The following DCBLD1 variants were observed in gnomAD, a reference collection of about 807,000 sequenced individuals.
DCBLD1 encodes the protein discoidin, CUB and LCCL domain containing 1.
In DCBLD1, 57 loss-of-function variants were observed where a neutral mutation model predicts 71.5. That is an observed-to-expected ratio of 0.80 (90% confidence interval 0.64 to 0.99). DCBLD1 has a LOEUF of 0.99. Among genes scored for constraint, DCBLD1 ranks in the 50% least tolerant of loss-of-function variants. The probability of loss-of-function intolerance (pLI) is 0.00; values close to 1 mark genes in which losing one functional copy is unlikely to be tolerated. For synonymous variants in DCBLD1, 380 were observed against 363.8 expected (o/e 1.04, Z -0.51); for missense variants, 891 against 923.5 (o/e 0.96, Z 0.46).
chr6:117,490,322 T>A (rs1777248274), intron 1 of DCBLD1, among the ~76,000 whole-genome samples: 3 of 151,970 alleles, frequency 2.0e-5, no homozygotes, highest in Non-Finnish European at 1.5e-5. Context: ...TTGAAAGTTT[T>A]TTATTACTTG....
intron 2 of DCBLD1, among the ~76,000 whole-genome samples, chr6:117,506,730 C>T (rs1047690054): frequency 4.6e-5 from 7 of 152,204 alleles, no homozygotes; most frequent in African/African-American, 1.7e-4. Flanking sequence ...GGCACCTCTG[C>T]AAGCTGATGT....
At chr6:117,556,136 A>G (rs1289055777) in intron 14 of DCBLD1, among the ~76,000 whole-genome samples, 7 of 152,248 alleles carry the variant, frequency 4.6e-5, no homozygotes, top group Non-Finnish European at 1.0e-4. Context: ...TTTCCAACGC[A>G]TAGACTCCAA....
intron 6 of DCBLD1, among the ~76,000 whole-genome samples, chr6:117,533,847 T>A (rs1480226806): frequency 6.6e-6 from 1 of 151,084 alleles, no homozygotes; most frequent in African/African-American, 2.5e-5. Context: ...TGGGTGTCTG[T>A]GGAGAAAAGG....
At chr6:117,547,728 A>G (rs1462941525) in intron 14 of DCBLD1, 179 bp from the exon 15 acceptor site, 2 of 1,345,068 alleles carry the variant, frequency 1.5e-6, no homozygotes, top group African/African-American at 2.9e-5. Context: ...GCGGTTGTGT[A>G]CTGCCTGCGG....
At chr6:117,487,335 G>A (rs1032517146) in intron 1 of DCBLD1, among the ~76,000 whole-genome samples, 2 of 152,110 alleles carry the variant, frequency 1.3e-5, no homozygotes, top group African/African-American at 2.4e-5. Flanking sequence ...CTCTAGTTAC[G>A]AAATCAAAAC....
At chr6:117,557,150 G>C (rs210628) in intron 14 of DCBLD1, among the ~76,000 whole-genome samples, 123,012 of 152,186 alleles carry the variant, frequency 0.81, 50,372 homozygotes, top group African/African-American at 0.95. Context: ...TTCCTAATTT[G>C]CCTGAAAGTT....
At chr6:117,544,675 T>C in intron 13 of DCBLD1, 98 bp downstream of exon 13, 4 of 1,343,770 alleles carry the variant, frequency 3.0e-6, no homozygotes, top group Non-Finnish European at 4.2e-6. Context: ...CACATTTATT[T>C]GGTTAAAAGA....
At chr6:117,532,096 GT>G (rs1778741950) in intron 5 of DCBLD1, among the ~76,000 whole-genome samples, 163 bp from the exon 6 acceptor site, 2 of 152,196 alleles carry the variant, frequency 1.3e-5, no homozygotes, top group African/African-American at 4.8e-5. Context: ...AAGTCACATG[GT>G]CCAGAGTCAG....
intron 1 of DCBLD1, chr6:117,484,992 A>C (rs1462681869): frequency 6.6e-6 from 1 of 152,112 alleles, no homozygotes; most frequent in Admixed American, 6.5e-5. Context: ...CAGAGCTGGG[A>C]TTATTTCGGC....
intron 5 of DCBLD1, among the ~76,000 whole-genome samples, chr6:117,529,865 A>T (rs1027546782): frequency 6.6e-6 from 1 of 152,204 alleles, no homozygotes; most frequent in South Asian, 2.1e-4. Context: ...ATTAAATAAA[A>T]ATTTTATAAA....
chr6:117,550,732 G>A (rs993461929), downstream of DCBLD1, among the ~76,000 whole-genome samples: 48 of 152,254 alleles, frequency 3.2e-4, no homozygotes, highest in Middle Eastern at 3.4e-3. Flanking sequence ...ATAGCTATGA[G>A]ACCTTTCCCC....
rs1039784485 is a variant in DCBLD1 at position 117,549,208 on chromosome 6, G to T, written c.*769G>T. ...AATTACAGTGTGAATGGCTGTGTCA[G>T]ATGTTTTCGTACCTCAGATTAAAAA... On this transcript the variant is annotated 3_prime_UTR_variant, in exon 15 of 15. Coordinates refer to ENST00000338728, the MANE Select transcript of DCBLD1 (RefSeq NM_001366458.2). The T allele has an allele frequency of 7.1e-6, 7 of 985,314 alleles. No individual in the cohort carries two copies. In the African/African-American group the frequency reaches 1.2e-4, roughly 17 times the overall value. The allele number at this position is 985,314 out of a possible 1,614,324, so 61.0% of individuals were successfully genotyped here.
intron 2 of DCBLD1, among the ~76,000 whole-genome samples, chr6:117,515,314 G>T (rs1778159975): frequency 6.6e-6 from 1 of 152,150 alleles, no homozygotes; most frequent in Admixed American, 6.5e-5. Flanking sequence ...GAGCCACCGT[G>T]CCTGGCCACC....
intron 2 of DCBLD1, among the ~76,000 whole-genome samples, chr6:117,513,698 C>A (rs762783129): frequency 1.2e-4 from 19 of 152,254 alleles, no homozygotes; most frequent in Non-Finnish European, 2.5e-4. Flanking sequence ...AACATCCATG[C>A]AAAACTGTGC....
At position 117,532,262 on chromosome 6, in the gene DCBLD1, C is replaced by G; in HGVS notation, c.588C>G (p.Thr196=). The change falls in exon 6 of 15, where the codon ACC becomes ACG. Residue 196 remains threonine, a splice_region_variant and synonymous_variant. Transcript: ENST00000338728. The part of the protein sequence containing the change: ...SGNMVDGYRD[T]SLLCKAAIHA... ...ATAATGATGTTGCTGTGTTTCAGAC[C>G]TCTTTATTGTGCAAAGCTGCCATCC... is the stretch of plus-strand genomic sequence containing the variant. The G allele has an allele frequency of 6.2e-7, 1 of 1,600,170 alleles. No homozygotes were observed.
intron 2 of DCBLD1, among the ~76,000 whole-genome samples, chr6:117,511,632 C>A (rs1778024528): frequency 6.6e-6 from 1 of 152,200 alleles, no homozygotes; most frequent in Admixed American, 6.5e-5. Flanking sequence ...TTCTGCATGT[C>A]ATTTTTTAGA....
chr6:117,553,002 G>A (rs1209508441), downstream of DCBLD1, among the ~76,000 whole-genome samples: 3 of 151,984 alleles, frequency 2.0e-5, no homozygotes, highest in Non-Finnish European at 2.9e-5. Context: ...CAGGAGCCCC[G>A]AACCATGAGA....
intron 1 of DCBLD1, among the ~76,000 whole-genome samples, chr6:117,495,624 C>G (rs555210871): frequency 1.3e-5 from 2 of 152,274 alleles, no homozygotes; most frequent in South Asian, 4.1e-4. Context: ...GCTCTGTCAC[C>G]TCCCAAGTAT....
downstream of DCBLD1, among the ~76,000 whole-genome samples, chr6:117,554,190 C>T (rs1391613811): frequency 1.8e-4 from 27 of 152,144 alleles, no homozygotes; most frequent in Admixed American, 1.5e-3. Context: ...AATTTGATCA[C>T]GTTTGCAAAT....
Sources: allele counts gnomAD v4.1 joint callset (sites outside exome capture counted in the v4.1 genomes callset), GRCh38; gene constraint gnomAD v4.1.1; transcripts MANE v1.5; gene names NCBI Gene and HGNC (gene_info 2026-07-23, HGNC 2026-07-21).